Variants in ATP6V1A observed in about 807,000 individuals in gnomAD.
ATP6V1A encodes V-type proton ATPase catalytic subunit A.
In ATP6V1A, 18 loss-of-function variants were observed where a neutral mutation model predicts 70.1. That is an observed-to-expected ratio of 0.26 (90% CI 0.18 to 0.38). The LOEUF (loss-of-function observed/expected upper bound fraction) is 0.38, where lower values mean the gene tolerates loss of function less well. Among genes scored for constraint, ATP6V1A ranks in the 10% least tolerant of loss-of-function variants. The pLI is 1.00. For missense variants in ATP6V1A, 424 were observed against 772.4 expected (o/e 0.55, Z 5.35); for synonymous variants, 232 against 253.8 (o/e 0.91, Z 0.82).
chr3:113,778,424 C>A (rs1462642454), intron 1 of ATP6V1A, among the ~76,000 whole-genome samples: 1 of 151,730 alleles, frequency 6.6e-6, no homozygotes, highest in Admixed American at 6.6e-5. Flanking sequence ...AAACAAAAAA[C>A]TAGTTGGGCA....
At chr3:113,774,672 G>C (rs948451466) in intron 1 of ATP6V1A, among the ~76,000 whole-genome samples, 1 of 151,942 alleles carries the variant, frequency 6.6e-6, no homozygotes, top group Non-Finnish European at 1.5e-5. Context: ...AAATTAGCTG[G>C]GCATAGTGGC....
At chr3:113,772,407 A>G (rs1364004030) in intron 1 of ATP6V1A, among the ~76,000 whole-genome samples, 1 of 152,220 alleles carries the variant, frequency 6.6e-6, no homozygotes, top group Admixed American at 6.5e-5. Flanking sequence ...ATGTTGCTGT[A>G]GCAGATTAAA....
intron 1 of ATP6V1A, among the ~76,000 whole-genome samples, chr3:113,764,784 A>T (rs977286514): frequency 6.6e-6 from 1 of 152,116 alleles, no homozygotes; most frequent in Non-Finnish European, 1.5e-5. Flanking sequence ...GAAATAAAAA[A>T]AATAAGGCCC....
rs1383140385 is a variant in ATP6V1A, at chr3:113,801,918, C to CAAA, written c.1495-1653_1495-1651dup. On this transcript the variant is annotated intron_variant, in intron 12 of 14. Coordinates refer to ENST00000273398, the MANE Select transcript of ATP6V1A (RefSeq NM_001690.4). Reference sequence around the variant, plus strand: ...GAGGACTAGAGATAAAAGGGATTTACAAAAAAAAAAAAAACAAAACTGGAG... The same window carrying CAAA: ...GAGGACTAGAGATAAAAGGGATTTACAAAAAAAAAAAAAAAAACAAAACTGGAG... Among the ~76,000 whole-genome samples, 12 of 73,890 alleles carry CAAA rather than the reference C, an allele frequency of 1.6e-4. 1 individual carries two copies. Among genetic ancestry groups the CAAA allele is most frequent in the African/African-American group, 1.5e-4 (3 of 19,774 alleles). The allele number at this position is 73,890 out of a possible 152,430, so 48.5% of individuals were successfully genotyped here.
chr3:113,809,842 T>G lies in ATP6V1A; in HGVS notation c.*415T>G, dbSNP rs1043132. ...CTATAACTTTTGAACAGGTACTTTG[T>G]GAAATGACTCAATTTCTATTGTGGT... is the stretch of plus-strand genomic sequence containing the variant. On this transcript the variant is annotated 3_prime_UTR_variant, in exon 15 of 15. Coordinates refer to ENST00000273398, the MANE Select transcript of ATP6V1A (RefSeq NM_001690.4). The G allele has an allele frequency of 0.33, 50,411 of 152,626 alleles. 8,489 individuals carry two copies. Among genetic ancestry groups the G allele is most frequent in the Non-Finnish European group, 0.36 (24,432 of 68,382 alleles). The allele number at this position is 152,626 out of a possible 1,614,324, so 9.5% of individuals were successfully genotyped here. A position where few individuals can be genotyped will look rare whatever the true frequency, so the allele number is the denominator to read the frequency against.
At position 113,799,025 on chromosome 3, in the gene ATP6V1A, A is replaced by G. The variant is rs574981889; in HGVS notation, c.1494+579A>G. Among the ~76,000 whole-genome samples, 64 of 152,332 alleles carry G rather than the reference A, an allele frequency of 4.2e-4. 2 individuals are homozygous for G. The South Asian group carries it at 0.01, about 25-fold the overall frequency. ...ATATTAGGAGATAGCTAACATTCTA[A>G]CATGTATTACTACTTACTATTTATA... On this transcript the variant is annotated intron_variant, in intron 12 of 14. Transcript: ENST00000273398.
chr3:113,792,798 T>A (rs566276599), intron 8 of ATP6V1A, among the ~76,000 whole-genome samples: 2 of 152,364 alleles, frequency 1.3e-5, no homozygotes, highest in Admixed American at 6.5e-5. Context: ...AACACGTTCT[T>A]ATGATAATTA....
At chr3:113,809,103 A>AAAAT (rs1709311810) in intron 14 of ATP6V1A, among the ~76,000 whole-genome samples, 1 of 151,518 alleles carries the variant, frequency 6.6e-6, no homozygotes, top group African/African-American at 2.4e-5. Flanking sequence ...ATGAAAAAAA[A>AAAAT]AATTAGCTGG....
At chr3:113,760,742 A>T (rs1450750868) in intron 1 of ATP6V1A, among the ~76,000 whole-genome samples, 5 of 151,752 alleles carry the variant, frequency 3.3e-5, no homozygotes, top group African/African-American at 9.7e-5. Context: ...AATAAAAAAT[A>T]AAACTAAACA....
At position 113,803,621 on chromosome 3, in the gene ATP6V1A, A is replaced by G. The variant is rs1709240028; in HGVS notation, c.1533A>G (p.Val511=). The stretch of plus-strand genomic sequence containing the variant: ...AAACAGATAAAATCACTCTGGAGGT[A>G]GCAAAACTTATCAAAGATGATTTCC... The part of the protein sequence containing the change: ...LAETDKITLE[V]AKLIKDDFLQ... Residue 511 remains valine (V), a synonymous_variant, in exon 13 of 15, where the codon GTA becomes GTG. Transcript: ENST00000273398. The G allele has an allele frequency of 1.9e-6, 3 of 1,612,420 alleles. No individual in the cohort carries two copies. Among genetic ancestry groups the G allele is most frequent in the South Asian group, 1.1e-5 (1 of 90,958 alleles).
chr3:113,765,821 G>A (rs1298403640), intron 1 of ATP6V1A, among the ~76,000 whole-genome samples: 2 of 151,674 alleles, frequency 1.3e-5, no homozygotes, highest in African/African-American at 4.8e-5. Flanking sequence ...CAGCTACTCG[G>A]GAGGCTGAGA....
intron 3 of ATP6V1A, 133 bp from the exon 4 acceptor site, chr3:113,784,091 T>A (rs1709011759): frequency 1.3e-6 from 1 of 758,194 alleles, no homozygotes; most frequent in Admixed American, 2.7e-5. Context: ...ACACTATGAA[T>A]CCTGTGAACT....
At chr3:113,788,564 T>C (rs1235875983) in intron 6 of ATP6V1A, 149 bp from the exon 7 acceptor site, 8 of 586,738 alleles carry the variant, frequency 1.4e-5, no homozygotes, top group Non-Finnish European at 2.3e-5. Context: ...CAGTCTGGTC[T>C]CGAACTCCTC....
At chr3:113,798,007 C>T (rs1197591691) in intron 11 of ATP6V1A, among the ~76,000 whole-genome samples, 2 of 152,068 alleles carry the variant, frequency 1.3e-5, no homozygotes, top group Non-Finnish European at 2.9e-5. Context: ...ATGGCGCATG[C>T]TTGTAATCCC....
intron 1 of ATP6V1A, among the ~76,000 whole-genome samples, chr3:113,771,429 CTTTTTTTTTTTT>C (rs772278685): frequency 1.8e-5 from 2 of 112,596 alleles, no homozygotes; most frequent in African/African-American, 3.4e-5. Flanking sequence ...ATATTTTTCT[CTTTTTTTTTTTT>C]TTTTTTTTTT....
intron 1 of ATP6V1A, among the ~76,000 whole-genome samples, chr3:113,773,878 C>T (rs766483676): frequency 8.5e-5 from 13 of 152,120 alleles, no homozygotes; most frequent in Non-Finnish European, 1.6e-4. Context: ...CATATGTCAC[C>T]TTATAAGAAC....
At chr3:113,780,611 G>A (rs1430944) in intron 2 of ATP6V1A, 484,482 of 484,888 alleles carry the variant, frequency 1, 242,040 homozygotes, top group Middle Eastern at 1. Flanking sequence ...CTTTAGGTCT[G>A]TCTCTCAAAG....
intron 14 of ATP6V1A, among the ~76,000 whole-genome samples, chr3:113,808,857 T>C (rs546191749): frequency 1.3e-5 from 2 of 152,244 alleles, no homozygotes; most frequent in African/African-American, 4.8e-5. Flanking sequence ...TTGGTTGGAT[T>C]TGTATCCTTA....
In ATP6V1A at chr3:113,786,392, G is replaced by A; in HGVS notation, c.716+9G>A. 6.2e-7 allele frequency: 1 copy of A among 1,612,790 alleles called. No homozygotes were observed. The highest frequency in any genetic ancestry group is 1.3e-5 in the African/African-American group (1 of 74,998). On this transcript the variant is annotated intron_variant, in intron 6 of 14. Coordinates refer to ENST00000273398, the MANE Select transcript of ATP6V1A (RefSeq NM_001690.4). ...CTTGATGCCCTTTTTCCGTAAGTTTGAGATGTGTCCCACGATTTTCCCTCA... is the reference window on the plus strand; with the variant it reads ...CTTGATGCCCTTTTTCCGTAAGTTTAAGATGTGTCCCACGATTTTCCCTCA...
Sources: gnomAD v4.1 joint callset for allele counts (sites outside exome capture counted in the v4.1 genomes callset) on GRCh38, gnomAD v4.1.1 for gene constraint, MANE v1.5 for transcripts, NCBI Gene and HGNC (gene_info 2026-07-23, HGNC 2026-07-21) for gene names.